CEP152: variants seen among roughly 807,000 people sequenced by gnomAD.
The protein encoded by CEP152 is centrosomal protein of 152 kDa.
In CEP152, 132 loss-of-function variants were observed where a neutral mutation model predicts 188.9. That is an observed-to-expected ratio of 0.70 (90% confidence interval 0.61 to 0.81). The LOEUF (loss-of-function observed/expected upper bound fraction) is 0.81, where lower values mean the gene tolerates loss of function less well. Ranked by LOEUF, CEP152 falls within the 30% of genes least tolerant of loss-of-function variation. CEP152 has a pLI of 0.00. For missense variants in CEP152, 1,914 were observed against 1,969.8 expected, an observed-to-expected ratio of 0.97 and a Z score of 0.54; for synonymous variants, 649 against 666.6, an observed-to-expected ratio of 0.97 and a Z score of 0.41.
intron 13 of CEP152, among the ~76,000 whole-genome samples, chr15:48,770,474 A>C (rs1895450966): frequency 6.6e-6 from 1 of 151,808 alleles, no homozygotes; most frequent in African/African-American, 2.4e-5. Context: ...CACATGATAA[A>C]GTGTATCTGT....
At chr15:48,765,347 G>A (rs1367397885) in intron 17 of CEP152, among the ~76,000 whole-genome samples, 2 of 152,034 alleles carry the variant, frequency 1.3e-5, no homozygotes, top group Admixed American at 6.5e-5. Context: ...CAATTTTACT[G>A]TATAACAATT....
In CEP152 at chr15:48,793,327, T is replaced by C. The variant is rs1246923655; in HGVS notation, c.826A>G (p.Ile276Val). The change falls in exon 7 of 27, where the codon ATA becomes GTA. Residue 276 changes from isoleucine (I) to valine (V), a missense_variant. Ile to Val is a conservative substitution (Grantham distance 29). Transcript: ENST00000380950. ...ACAGCATCCAGCATCTTACCTTTTA[T>C]TATTACAAGCTGGTGATTCAGATAT... The part of the protein sequence containing the change: ...IRYLNHQLVI[I>V]KDEKDGLTLS... 1.2e-6 allele frequency: 2 copies of C among 1,613,810 alleles called. No homozygotes were observed. The highest frequency in any genetic ancestry group is 1.3e-5 in the African/African-American group (1 of 74,940).
At chr15:48,798,627 A>T (rs1340319314) in intron 2 of CEP152, among the ~76,000 whole-genome samples, 1 of 152,244 alleles carries the variant, frequency 6.6e-6, no homozygotes, top group Non-Finnish European at 1.5e-5. Context: ...CCCTGCTCTC[A>T]TACAACATCT....
chr15:48,797,763 G>A lies in CEP152; in HGVS notation c.192-33C>T, dbSNP rs374380594. On this transcript the variant is annotated intron_variant, in intron 3 of 26. Transcript: ENST00000380950. ...AAAAGGAATACTTTCGATTTAAAGC[G>A]TATCATTTATTTGTACATAGATAAC... 2.7e-4 allele frequency: 429 copies of A among 1,606,090 alleles called. 3 individuals carry two copies. The South Asian group carries it at 3.7e-3, about 14-fold the overall frequency.
intron 20 of CEP152, among the ~76,000 whole-genome samples, chr15:48,754,426 C>T (rs1004610544): frequency 5.9e-4 from 90 of 152,088 alleles, no homozygotes; most frequent in African/African-American, 2.0e-3. Context: ...TGCTTACAAA[C>T]GAAAGCATGT....
intron 19 of CEP152, among the ~76,000 whole-genome samples, chr15:48,757,886 TC>T (rs1228298242): frequency 5.9e-5 from 9 of 152,218 alleles, no homozygotes; most frequent in Non-Finnish European, 1.0e-4. Context: ...TGGAAGTCAT[TC>T]CCAGGTGACT....
chr15:48,751,813 C>T (rs1893895688), intron 21 of CEP152, among the ~76,000 whole-genome samples: 1 of 152,062 alleles, frequency 6.6e-6, no homozygotes, highest in African/African-American at 2.4e-5. Flanking sequence ...GGCTCTAGTA[C>T]AGTATAAGAA....
At position 48,767,151 on chromosome 15, in the gene CEP152, T is replaced by C. The variant is rs1412157790; in HGVS notation, c.2189A>G (p.Gln730Arg). 1.9e-6 allele frequency: 3 copies of C among 1,613,880 alleles called. No individual in the cohort carries two copies. The Admixed American group carries it at 5.0e-5, about 27-fold the overall frequency. Reference sequence around the variant, plus strand: ...TCTGCACACTTCTAGGTAACATTCCTGCACAGCAGTCACCTCCTTATTCAA... The same window carrying C: ...TCTGCACACTTCTAGGTAACATTCCCGCACAGCAGTCACCTCCTTATTCAA... The part of the protein sequence containing the change: ...DKLNKEVTAV[Q>R]ECYLEVCREK... The change falls in exon 17 of 27, where the codon CAG becomes CGG. Residue 730 changes from glutamine to arginine, a missense_variant. Physicochemically the swap from Gln to Arg is conservative, Grantham distance 43. Transcript: ENST00000380950.
At chr15:48,744,380 G>T (rs772435988) in intron 23 of CEP152, 37 bp from the exon 24 acceptor site, 3 of 1,612,642 alleles carry the variant, frequency 1.9e-6, no homozygotes, top group Non-Finnish European at 2.5e-6. Context: ...AACAGAAATG[G>T]TAAGTGAAAA....
chr15:48,790,549 T>C (rs1026838049), intron 8 of CEP152, among the ~76,000 whole-genome samples: 2 of 152,098 alleles, frequency 1.3e-5, no homozygotes, highest in Non-Finnish European at 2.9e-5. Flanking sequence ...AAAACCAAGC[T>C]CATTATTTCA....
chr15:48,760,022 A>T, intron 19 of CEP152, 113 bp downstream of exon 19: 1 of 1,355,710 alleles, frequency 7.4e-7, no homozygotes, highest in Non-Finnish European at 1.0e-6. Flanking sequence ...AACATGTATC[A>T]ACATGTTTAT....
chr15:48,750,075 C>T (rs1893764541), intron 21 of CEP152, among the ~76,000 whole-genome samples: 1 of 151,912 alleles, frequency 6.6e-6, no homozygotes, highest in Non-Finnish European at 1.5e-5. Flanking sequence ...TACATAAGAG[C>T]ACAAAATGGA....
intron 1 of CEP152, among the ~76,000 whole-genome samples, chr15:48,808,096 C>T (rs1454638090): frequency 6.6e-6 from 1 of 151,568 alleles, no homozygotes; most frequent in East Asian, 1.9e-4. Context: ...AAAGGGAAAC[C>T]TGATCAACTT....
At chr15:48,806,887 A>G (rs1459330884) in intron 1 of CEP152, among the ~76,000 whole-genome samples, 1 of 152,202 alleles carries the variant, frequency 6.6e-6, no homozygotes, top group Non-Finnish European at 1.5e-5. Context: ...TGTAGATATT[A>G]AAGTGTGAAA....
rs368764302 is a variant in CEP152, at chr15:48,738,304, G to A, written c.5078C>T (p.Pro1693Leu). 2,324 of 1,613,914 alleles carry A rather than the reference G, an allele frequency of 1.4e-3. 42 individuals carry two copies. The South Asian group carries it at 0.024, about 17-fold the overall frequency. Residue 1693 changes from proline to leucine, a missense_variant, in exon 27 of 27, where the codon CCG becomes CTG. By Grantham distance (98) the Pro-to-Leu change is moderately conservative (BLOSUM62 -3). Transcript: ENST00000380950. ...GCCACTATCTTGTTGGCTAGATAGC[G>A]GAACAATTAATTTTCTTGAAGGCTG... ...CQQPSRKLIV[P>L]LSSQQDSGFD...
chr15:48,741,725 T>C (rs144807930), intron 25 of CEP152, 21 bp from the exon 26 acceptor site: 4 of 1,613,834 alleles, frequency 2.5e-6, no homozygotes, highest in Non-Finnish European at 3.4e-6. Context: ...TTCCAGAATA[T>C]TAAAAATATA....
At chr15:48,749,147 A>G (rs1893691660) in intron 21 of CEP152, among the ~76,000 whole-genome samples, 1 of 152,158 alleles carries the variant, frequency 6.6e-6, no homozygotes, top group South Asian at 2.1e-4. Flanking sequence ...ATAGGAATTT[A>G]TGAGTCATAC....
intron 19 of CEP152, 40 bp from the exon 20 acceptor site, chr15:48,756,593 A>T: frequency 6.3e-7 from 1 of 1,588,396 alleles, no homozygotes; most frequent in Non-Finnish European, 8.5e-7. Context: ...AGTCTTTATG[A>T]TTCTCCTCCT....
In CEP152 at chr15:48,788,814, G is replaced by T; in HGVS notation, c.1160C>A (p.Ala387Glu). Residue 387 changes from alanine to glutamate, a missense_variant, in exon 9 of 27, where the codon GCA becomes GAA. Transcript: ENST00000380950. ...LQKNLDATVT[A>E]LKEQEDICSR... ...AATCATCCCAACCTGTTCTTTAAGT[G>T]CGGTGACTGTGGCATCCAAATTCTT... 1 of 1,614,046 alleles carries T rather than the reference G, an allele frequency of 6.2e-7. No homozygotes were observed. The highest frequency in any genetic ancestry group is 2.2e-5 in the East Asian group (1 of 44,888).
Sources: gnomAD v4.1 joint callset for allele counts (sites outside exome capture counted in the v4.1 genomes callset) on GRCh38, gnomAD v4.1.1 for gene constraint, MANE v1.5 for transcripts, NCBI Gene and HGNC (gene_info 2026-07-23, HGNC 2026-07-21) for gene names.